The following NTN1 variants were observed in gnomAD, a reference collection of about 807,000 sequenced individuals.
NTN1 encodes the protein netrin-1.
NTN1 carries 11 observed loss-of-function variants against 54.2 expected under a neutral mutation model. The observed-to-expected ratio is 0.20, with a 90% CI of 0.13 to 0.34. The LOEUF (loss-of-function observed/expected upper bound fraction) is 0.34. Among genes scored for constraint, NTN1 ranks in the 10% least tolerant of loss-of-function variants. The pLI is 1.00. For missense variants in NTN1, 740 were observed against 893.1 expected (o/e 0.83, Z 2.18); for synonymous variants, 371 against 382.0 (o/e 0.97, Z 0.33).
intron 2 of NTN1, among the ~76,000 whole-genome samples, chr17:9,037,220 CT>C (rs2091906273): frequency 6.6e-6 from 1 of 152,182 alleles, no homozygotes; most frequent in South Asian, 2.1e-4. Flanking sequence ...TGTATGTTCT[CT>C]TCAATATCTG....
upstream of NTN1, among the ~76,000 whole-genome samples, chr17:9,017,423 A>G (rs2091834122): frequency 6.6e-6 from 1 of 151,990 alleles, no homozygotes; most frequent in African/African-American, 2.4e-5. Context: ...TCTTATCTTG[A>G]CCTTTAAGGC....
chr17:9,232,030 G>A (rs902446201), intron 6 of NTN1, among the ~76,000 whole-genome samples: 7 of 152,192 alleles, frequency 4.6e-5, no homozygotes, highest in African/African-American at 1.2e-4. Context: ...AGCCAGCCTC[G>A]GAGCACTGGG....
At chr17:9,129,093 C>T (rs2092255802) in intron 2 of NTN1, among the ~76,000 whole-genome samples, 1 of 152,146 alleles carries the variant, frequency 6.6e-6, no homozygotes, top group South Asian at 2.1e-4. Flanking sequence ...ACTTTCGTTG[C>T]CTCGGCCAGC....
chr17:9,110,624 C>T (rs74546882), intron 2 of NTN1, among the ~76,000 whole-genome samples: 2,885 of 152,232 alleles, frequency 0.019, 91 homozygotes, highest in African/African-American at 0.066. Context: ...GCCGTTCTAA[C>T]GAGTTACCAC....
At chr17:9,115,689 G>A (rs1412776402) in intron 2 of NTN1, among the ~76,000 whole-genome samples, 4 of 152,244 alleles carry the variant, frequency 2.6e-5, no homozygotes, top group Non-Finnish European at 5.9e-5. Flanking sequence ...CCGGGGCGGG[G>A]ACAAACGGCT....
At chr17:9,201,760 C>T (rs1904791143) in intron 5 of NTN1, among the ~76,000 whole-genome samples, 1 of 152,112 alleles carries the variant, frequency 6.6e-6, no homozygotes, top group South Asian at 2.1e-4. Flanking sequence ...CGCCAGTTCC[C>T]ATTGGTCTGT....
At chr17:9,096,788 T>A (rs965280935) in intron 2 of NTN1, among the ~76,000 whole-genome samples, 9 of 152,242 alleles carry the variant, frequency 5.9e-5, no homozygotes, top group African/African-American at 2.2e-4. Context: ...GTAGGGATGA[T>A]AATAGCAGGC....
intron 2 of NTN1, among the ~76,000 whole-genome samples, chr17:9,118,120 G>A (rs1353040989): frequency 6.6e-6 from 1 of 152,238 alleles, no homozygotes; most frequent in Non-Finnish European, 1.5e-5. Flanking sequence ...TGTAAAAGGG[G>A]TATAATGTCA....
At chr17:9,228,758 G>A (rs1402232610) in intron 6 of NTN1, among the ~76,000 whole-genome samples, 2 of 151,976 alleles carry the variant, frequency 1.3e-5, no homozygotes, top group South Asian at 2.1e-4. Context: ...GATGATTTCT[G>A]AGGATACAAC....
At chr17:9,060,327 GT>G (rs2091992900) in intron 2 of NTN1, among the ~76,000 whole-genome samples, 1 of 152,112 alleles carries the variant, frequency 6.6e-6, no homozygotes, top group African/African-American at 2.4e-5. Flanking sequence ...TTTCTAACAT[GT>G]TTTATTGTAA....
chr17:9,131,460 CATCCTATGT>C (rs1400004304), intron 2 of NTN1, among the ~76,000 whole-genome samples: 2 of 152,122 alleles, frequency 1.3e-5, no homozygotes, highest in African/African-American at 4.8e-5. Flanking sequence ...GAATGAAGTG[CATCCTATGT>C]ATCCTATTCT....
At position 9,046,223 on chromosome 17, in the gene NTN1, C is replaced by T. The variant is rs140783601; in HGVS notation, c.1018+22832C>T. On this transcript the variant is annotated intron_variant, in intron 2 of 6. Coordinates refer to ENST00000173229, the MANE Select transcript of NTN1 (RefSeq NM_004822.3). ...AACAAAAGACAACCCAGTTTAGAAA[C>T]GGGCAAAGAACTTCAGTGGATGTTT... Among the ~76,000 whole-genome samples the T allele has an allele frequency of 4.6e-4, 70 of 152,174 alleles. No homozygotes were observed. The East Asian group carries it at 8.5e-3, about 19-fold the overall frequency.
rs200226901 is a variant in NTN1 at position 9,106,467 on chromosome 17, CCCTTCCTTCCTTCCTTCCTTCCTTCCTT to C, written c.1019-56309_1019-56282del. Among the ~76,000 whole-genome samples the C allele has an allele frequency of 7.6e-3, 918 of 120,122 alleles. 14 individuals are homozygous for C. Among genetic ancestry groups the C allele is most frequent in the Non-Finnish European group, 0.012 (678 of 56,410 alleles). 78.8% of individuals were successfully genotyped at this position (120,122 alleles called of 152,430 possible). On this transcript the variant is annotated intron_variant, in intron 2 of 6. Coordinates refer to ENST00000173229, the MANE Select transcript of NTN1 (RefSeq NM_004822.3). ...AATGGCATTTCCTTCCTTCCTTCCT[CCCTTCCTTCCTTCCTTCCTTCCTTCCTT>C]CCTTCCTTCCTTCCTTCCTTCCTTC...
chr17:9,005,853 C>G, the NTN1 span, among the ~76,000 whole-genome samples: 1 of 152,158 alleles, frequency 6.6e-6, no homozygotes, highest in South Asian at 2.1e-4. Context: ...ATGTTGAGTC[C>G]CCAAACCCAG....
chr17:9,202,013 C>T (rs1442880486), intron 5 of NTN1, among the ~76,000 whole-genome samples: 3 of 117,398 alleles, frequency 2.6e-5, no homozygotes, highest in African/African-American at 6.5e-5. Context: ...TGGTGAAACC[C>T]CGTCTCTACT....
intron 5 of NTN1, among the ~76,000 whole-genome samples, chr17:9,218,313 C>T (rs1209684098): frequency 6.6e-6 from 1 of 152,166 alleles, no homozygotes; most frequent in African/African-American, 2.4e-5. Flanking sequence ...CTTAGATTCT[C>T]ATCTGTAAAA....
At chr17:9,123,066 C>T (rs963757101) in intron 2 of NTN1, among the ~76,000 whole-genome samples, 2 of 152,104 alleles carry the variant, frequency 1.3e-5, no homozygotes, top group Non-Finnish European at 2.9e-5. Flanking sequence ...CCTAGATGTG[C>T]AACTGTACAT....
At chr17:9,201,732 T>G (rs1342296300) in intron 5 of NTN1, among the ~76,000 whole-genome samples, 2 of 152,144 alleles carry the variant, frequency 1.3e-5, no homozygotes, top group Non-Finnish European at 2.9e-5. Flanking sequence ...CCTGAGCTCC[T>G]GGGCTGTGAT....
chr17:9,114,166 A>AAAATATATAT (rs1555569108), intron 2 of NTN1, among the ~76,000 whole-genome samples: 59 of 74,608 alleles, frequency 7.9e-4, no homozygotes, highest in African/African-American at 3.1e-3. Context: ...AAAAAAAAAA[A>AAAATATATAT]ATATATATAT....
Sources: allele counts gnomAD v4.1 joint callset (sites outside exome capture counted in the v4.1 genomes callset), GRCh38; gene constraint gnomAD v4.1.1; transcripts MANE v1.5; gene names NCBI Gene and HGNC (gene_info 2026-07-23, HGNC 2026-07-21).